EPHX4: variants seen among roughly 807,000 people sequenced by gnomAD.
EPHX4 encodes abhydrolase domain containing 7.
A neutral mutation model predicts 44.9 loss-of-function variants in EPHX4; 31 were observed. The ratio of observed to expected loss-of-function variants is 0.69; its 90% CI spans 0.52 to 0.93. The LOEUF is 0.93. EPHX4 is among the 40% of genes least tolerant of loss of function. The pLI, the probability that EPHX4 is intolerant of heterozygous loss-of-function variation, is 0.00. For synonymous variants in EPHX4, 151 were observed against 159.7 expected, an observed-to-expected ratio of 0.95 and a Z score of 0.41; for missense variants, 373 against 438.1, an observed-to-expected ratio of 0.85 and a Z score of 1.33.
intron 3 of EPHX4, among the ~76,000 whole-genome samples, chr1:92,045,125 G>C (rs2101870567): frequency 6.6e-6 from 1 of 152,108 alleles, no homozygotes; most frequent in South Asian, 2.1e-4. Context: ...ACCACACCTG[G>C]ATAATTTCTT....
At chr1:92,049,252 G>T (rs1263988368) in intron 4 of EPHX4, among the ~76,000 whole-genome samples, 1 of 151,948 alleles carries the variant, frequency 6.6e-6, no homozygotes, top group Non-Finnish European at 1.5e-5. Context: ...GCTGTTCCTG[G>T]ATGTTCTCCG....
At chr1:92,056,125 A>G (rs1430233657) in intron 6 of EPHX4, among the ~76,000 whole-genome samples, 1 of 152,188 alleles carries the variant, frequency 6.6e-6, no homozygotes, top group Non-Finnish European at 1.5e-5. Context: ...GGAGAGTTAC[A>G]TTAGACCTCT....
At chr1:92,057,809 A>T (rs565594618) in intron 6 of EPHX4, among the ~76,000 whole-genome samples, 4 of 152,208 alleles carry the variant, frequency 2.6e-5, no homozygotes, top group African/African-American at 9.6e-5. Context: ...CATGTTGGCC[A>T]GGCTGGTCTC....
At chr1:92,062,989 C>A in intron 6 of EPHX4, 66 bp from the exon 7 acceptor site, 1 of 1,352,526 alleles carries the variant, frequency 7.4e-7, no homozygotes, top group Non-Finnish European at 1.0e-6. Context: ...CCTACTGGGG[C>A]ACTATAGGAA....
At chr1:92,035,444 T>C (rs1397027232) in intron 2 of EPHX4, among the ~76,000 whole-genome samples, 2 of 152,192 alleles carry the variant, frequency 1.3e-5, no homozygotes, top group Non-Finnish European at 2.9e-5. Flanking sequence ...AGAGTCAAAA[T>C]GTCGAAAATC....
chr1:92,063,022 T>C, intron 6 of EPHX4, 33 bp from the exon 7 acceptor site: 2 of 1,562,644 alleles, frequency 1.3e-6, no homozygotes, highest in Non-Finnish European at 8.8e-7. Flanking sequence ...ACTTTGACAG[T>C]GAATCTCAAG....
chr1:92,043,035 T>A, intron 3 of EPHX4, 55 bp downstream of exon 3: 1 of 1,348,394 alleles, frequency 7.4e-7, no homozygotes, highest in Non-Finnish European at 1.0e-6. Flanking sequence ...TTCAACAAAT[T>A]GTGAATCAAT....
At position 92,032,514 on chromosome 1, in the gene EPHX4, T is replaced by C. The variant is rs1331647591; in HGVS notation, c.241T>C (p.Leu81=). ...TGCCCTCTACTTTCAGGATTCAGGGTTAAGATTTCACTATGTTGCTGCTGG... is the reference window on the plus strand; with the variant it reads ...TGCCCTCTACTTTCAGGATTCAGGGCTAAGATTTCACTATGTTGCTGCTGG... ...HCYVRIKDSG[L]RFHYVAAGER... The change falls in exon 2 of 7, where the codon TTA becomes CTA. Residue 81 remains leucine, a synonymous_variant. Transcript: ENST00000370383. 1.2e-6 allele frequency: 2 copies of C among 1,613,644 alleles called. No individual in the cohort carries two copies. Among genetic ancestry groups the C allele is most frequent in the Admixed American group, 3.3e-5 (2 of 59,984 alleles).
intron 6 of EPHX4, among the ~76,000 whole-genome samples, chr1:92,057,105 G>A (rs1647385741): frequency 6.6e-6 from 1 of 151,958 alleles, no homozygotes; most frequent in African/African-American, 2.4e-5. Context: ...AAATCAGTGA[G>A]ATAAGAGTTC....
At chr1:92,046,939 A>G (rs1380933243) in intron 4 of EPHX4, among the ~76,000 whole-genome samples, 1 of 152,238 alleles carries the variant, frequency 6.6e-6, no homozygotes, top group Admixed American at 6.5e-5. Flanking sequence ...CAGATCTTCC[A>G]TAAGTTGACA....
chr1:92,037,182 A>G (rs945974373), intron 2 of EPHX4, among the ~76,000 whole-genome samples: 2 of 151,856 alleles, frequency 1.3e-5, no homozygotes, highest in African/African-American at 4.9e-5. Context: ...TAGATTAAGT[A>G]GGTAACAAAT....
intron 6 of EPHX4, among the ~76,000 whole-genome samples, chr1:92,057,996 T>A (rs112463635): frequency 5.1e-4 from 78 of 152,218 alleles, no homozygotes; most frequent in South Asian, 1.9e-3. Flanking sequence ...GTGAGGCTAA[T>A]GTAACTTTCA....
intron 1 of EPHX4, among the ~76,000 whole-genome samples, chr1:92,031,413 A>G (rs1200242748): frequency 6.6e-6 from 1 of 152,178 alleles, no homozygotes; most frequent in Non-Finnish European, 1.5e-5. Context: ...TAAAAGTAGT[A>G]TAAGAACCAT....
chr1:92,048,512 A>C (rs1226935420), intron 4 of EPHX4, among the ~76,000 whole-genome samples: 1 of 152,184 alleles, frequency 6.6e-6, no homozygotes, highest in Non-Finnish European at 1.5e-5. Context: ...TTGTATTGTT[A>C]TCTCTTAATG....
intron 2 of EPHX4, 67 bp from the exon 3 acceptor site, chr1:92,042,756 A>G (rs1378910959): frequency 1.4e-5 from 20 of 1,380,764 alleles, no homozygotes; most frequent in Non-Finnish European, 1.5e-5. Context: ...AAGGAAAAAG[A>G]AAATCTGTAA....
At chr1:92,050,261 A>G (rs1278350626) in intron 4 of EPHX4, 56 bp from the exon 5 acceptor site, 1 of 1,093,196 alleles carries the variant, frequency 9.1e-7, no homozygotes, top group Non-Finnish European at 1.3e-6. Flanking sequence ...AAGTTCTTCT[A>G]ACAGTAAGTA....
chr1:92,030,412 C>T (rs1272222357), intron 1 of EPHX4, 102 bp downstream of exon 1: 1 of 1,075,722 alleles, frequency 9.3e-7, no homozygotes, highest in Non-Finnish European at 1.3e-6. Context: ...TCAGCGTCCC[C>T]TAGTGTCCTG....
chr1:92,060,402 A>G (rs1003154637), intron 6 of EPHX4, among the ~76,000 whole-genome samples: 2 of 151,526 alleles, frequency 1.3e-5, no homozygotes, highest in Non-Finnish European at 2.9e-5. Context: ...ATGGAGTGCC[A>G]GTGCACTCTA....
At chr1:92,051,998 A>G (rs1354338500) in intron 5 of EPHX4, among the ~76,000 whole-genome samples, 1 of 152,174 alleles carries the variant, frequency 6.6e-6, no homozygotes, top group Non-Finnish European at 1.5e-5. Context: ...CAACTTTTAG[A>G]GTAATGAATA....
Sources: gnomAD v4.1 joint callset for allele counts (sites outside exome capture counted in the v4.1 genomes callset) on GRCh38, gnomAD v4.1.1 for gene constraint, MANE v1.5 for transcripts, NCBI Gene and HGNC (gene_info 2026-07-23, HGNC 2026-07-21) for gene names.